The following PDLIM1 variants were observed in gnomAD, a reference collection of about 807,000 sequenced individuals.
PDLIM1 encodes the protein PDZ and LIM domain protein 1.
A neutral mutation model predicts 35.2 loss-of-function variants in PDLIM1; 25 were observed. The ratio of observed to expected loss-of-function variants is 0.71; its 90% confidence interval spans 0.52 to 0.99. The LOEUF is 0.99. Among genes scored for constraint, PDLIM1 ranks in the 50% least tolerant of loss-of-function variants. The pLI is 0.00. For missense variants in PDLIM1, 363 were observed against 415.3 expected (o/e 0.87, Z 1.09); for synonymous variants, 152 against 154.0 (o/e 0.99, Z 0.10).
At chr10:95,285,892 A>G (rs2035598320) in intron 1 of PDLIM1, among the ~76,000 whole-genome samples, 1 of 152,258 alleles carries the variant, frequency 6.6e-6, no homozygotes, top group Non-Finnish European at 1.5e-5. Flanking sequence ...AACTATGGTT[A>G]TTACTGCAAG....
chr10:95,239,473 C>T (rs2035156525), intron 5 of PDLIM1, among the ~76,000 whole-genome samples: 1 of 152,138 alleles, frequency 6.6e-6, no homozygotes, highest in Non-Finnish European at 1.5e-5. Flanking sequence ...TAATATCCAG[C>T]ATCTGCAAGG....
At chr10:95,272,280 A>G (rs2035471627) in intron 1 of PDLIM1, among the ~76,000 whole-genome samples, 1 of 152,218 alleles carries the variant, frequency 6.6e-6, no homozygotes, top group African/African-American at 2.4e-5. Context: ...AAATCTTAAT[A>G]ATGTTATATA....
At chr10:95,280,379 A>G (rs952793622) in intron 1 of PDLIM1, among the ~76,000 whole-genome samples, 2 of 152,196 alleles carry the variant, frequency 1.3e-5, no homozygotes, top group African/African-American at 4.8e-5. Context: ...CATCTCCAAA[A>G]AATTAAAAAA....
rs776764839 is a variant in PDLIM1, at chr10:95,238,692, T to C, written c.686-7A>G. On this transcript the variant is annotated splice_polypyrimidine_tract_variant and splice_region_variant and intron_variant, in intron 5 of 6. Coordinates refer to ENST00000329399, the MANE Select transcript of PDLIM1 (RefSeq NM_020992.4). ...GAGGGCTTGTTGGGATCCCCTGAAA[T>C]GAGGAAAACACTGTCATTGGCCAGG... The C allele has an allele frequency of 2.6e-6, 4 of 1,563,928 alleles. No individual in the cohort carries two copies. The highest frequency in any genetic ancestry group is 2.6e-6 in the Non-Finnish European group (3 of 1,134,716).
At chr10:95,278,845 C>G (rs1025385810) in intron 1 of PDLIM1, among the ~76,000 whole-genome samples, 2 of 152,182 alleles carry the variant, frequency 1.3e-5, no homozygotes, top group African/African-American at 4.8e-5. Flanking sequence ...AAGAAGCAAA[C>G]CCATTCAAGG....
intron 1 of PDLIM1, among the ~76,000 whole-genome samples, chr10:95,287,015 T>G (rs2035608567): frequency 6.6e-6 from 1 of 152,202 alleles, no homozygotes. Context: ...TCTTGCCTCC[T>G]CAAACAAACC....
intron 3 of PDLIM1, among the ~76,000 whole-genome samples, chr10:95,265,926 CG>C (rs982453168): frequency 1.4e-4 from 22 of 151,866 alleles, no homozygotes; most frequent in Admixed American, 5.2e-4. Context: ...AGGCCAGGCA[CG>C]GTGGCTCATT....
intron 5 of PDLIM1, among the ~76,000 whole-genome samples, chr10:95,241,026 C>A (rs1208263486): frequency 6.6e-6 from 1 of 152,232 alleles, no homozygotes; most frequent in Non-Finnish European, 1.5e-5. Flanking sequence ...CCAGGCGCCA[C>A]TGATCCAAGA....
rs759753480 is a variant in PDLIM1 at position 95,290,815 on chromosome 10, C to T, written c.96+5G>A. 3 of 1,549,500 alleles carry T rather than the reference C, an allele frequency of 1.9e-6. No individual in the cohort carries two copies. The highest frequency in any genetic ancestry group is 1.2e-5 in the South Asian group (1 of 85,212). ...CGCTTCCACGCACGTCCCAGCTGCT[C>T]TTACCCGGGAAATGGCGAGAGGCTG... On this transcript the variant is annotated splice_donor_5th_base_variant and intron_variant, in intron 1 of 6. Coordinates refer to ENST00000329399, the MANE Select transcript of PDLIM1 (RefSeq NM_020992.4). This position sits in a 1 kb window ranked among gnomAD's most constrained non-coding sequence, Gnocchi z 4.7.
chr10:95,271,702 T>C lies in PDLIM1; in HGVS notation c.179A>G (p.Asn60Ser), dbSNP rs779723448. 4.9e-5 allele frequency: 79 copies of C among 1,612,388 alleles called. No individual in the cohort carries two copies. The highest frequency in any genetic ancestry group is 1.5e-4 in the African/African-American group (11 of 74,844). Residue 60 changes from asparagine to serine, a missense_variant, in exon 2 of 7, where the codon AAT becomes AGT. Coordinates refer to ENST00000329399, the MANE Select transcript of PDLIM1 (RefSeq NM_020992.4). The part of the protein sequence containing the change: ...ITAIDGENTS[N>S]MTHLEAQNRI... Reference sequence around the variant, plus strand: ...GTTCTGAGCTTCCAAGTGTGTCATATTGCTAGTATTTTCCCCATCAATGGC... The same window carrying C: ...GTTCTGAGCTTCCAAGTGTGTCATACTGCTAGTATTTTCCCCATCAATGGC...
intron 1 of PDLIM1, among the ~76,000 whole-genome samples, chr10:95,284,971 T>C (rs1193488720): frequency 6.6e-6 from 1 of 152,178 alleles, no homozygotes; most frequent in Non-Finnish European, 1.5e-5. Context: ...GAATTACCTT[T>C]TTTGTCTTAG....
intron 4 of PDLIM1, among the ~76,000 whole-genome samples, chr10:95,248,969 C>T (rs2035245467): frequency 6.6e-6 from 1 of 152,246 alleles, no homozygotes; most frequent in Admixed American, 6.5e-5. Context: ...CACTATCACT[C>T]TTAACTCCCT....
At chr10:95,254,068 GA>G (rs2035290414) in intron 4 of PDLIM1, among the ~76,000 whole-genome samples, 2 of 151,996 alleles carry the variant, frequency 1.3e-5, no homozygotes, top group South Asian at 4.1e-4. Context: ...GCAGGAAAAA[GA>G]AAACAGAAAT....
rs2035646653 is a variant in PDLIM1 at position 95,290,773 on chromosome 10, C to G, written c.96+47G>C. ...CCGCGGGGCCCCAGTCTCCGCATATCACCTCCCATAGCGCCCCGCTTCCAC... is the reference window on the plus strand; with the variant it reads ...CCGCGGGGCCCCAGTCTCCGCATATGACCTCCCATAGCGCCCCGCTTCCAC... On this transcript the variant is annotated intron_variant, in intron 1 of 6. Transcript: ENST00000329399. The surrounding 1 kb of genome is among the most constrained non-coding windows in gnomAD (Gnocchi z 4.7). The G allele has an allele frequency of 1.5e-6, 2 of 1,371,056 alleles. No individual in the cohort carries two copies. The highest frequency in any genetic ancestry group is 1.5e-5 in the African/African-American group (1 of 66,740). 84.9% of individuals were successfully genotyped at this position (1,371,056 alleles called of 1,614,324 possible). A position where few individuals can be genotyped will look rare whatever the true frequency, so the allele number is the denominator to read the frequency against.
intron 1 of PDLIM1, among the ~76,000 whole-genome samples, chr10:95,278,259 C>G (rs892059158): frequency 3.3e-5 from 5 of 152,192 alleles, no homozygotes; most frequent in African/African-American, 1.2e-4. Context: ...CAAGGATGCA[C>G]CAAGGATGAA....
chr10:95,249,166 A>G (rs909814461), intron 4 of PDLIM1, among the ~76,000 whole-genome samples: 4 of 152,208 alleles, frequency 2.6e-5, no homozygotes, highest in Non-Finnish European at 5.9e-5. Flanking sequence ...AAGTGAACGA[A>G]CACTGCAGAA....
intron 5 of PDLIM1, among the ~76,000 whole-genome samples, chr10:95,239,094 G>A (rs2035152305): frequency 6.6e-6 from 1 of 152,174 alleles, no homozygotes; most frequent in Non-Finnish European, 1.5e-5. Context: ...AACAAGCAAT[G>A]AAGAAAGGAT....
In PDLIM1 at chr10:95,290,712, G is replaced by C. The variant is rs2035646056; in HGVS notation, c.96+108C>G. Reference sequence around the variant, plus strand: ...CTCAACTAACAGCGCACCTGGACGCGCCCGGCTGCGGTTCCGACTCCGTCC... The same window carrying C: ...CTCAACTAACAGCGCACCTGGACGCCCCCGGCTGCGGTTCCGACTCCGTCC... On this transcript the variant is annotated intron_variant, in intron 1 of 6. Coordinates refer to ENST00000329399, the MANE Select transcript of PDLIM1 (RefSeq NM_020992.4). This position sits in a 1 kb window ranked among gnomAD's most constrained non-coding sequence, Gnocchi z 4.7. 6 of 603,144 alleles carry C rather than the reference G, an allele frequency of 9.9e-6. No homozygotes were observed. The highest frequency in any genetic ancestry group is 1.6e-5 in the Non-Finnish European group (6 of 378,942). 37.4% of individuals were successfully genotyped at this position (603,144 alleles called of 1,614,324 possible).
intron 4 of PDLIM1, among the ~76,000 whole-genome samples, chr10:95,261,298 T>C (rs45494597): frequency 3.0e-4 from 45 of 152,338 alleles, no homozygotes; most frequent in Non-Finnish European, 6.2e-4. Flanking sequence ...GATGTGTCAT[T>C]TCCTGGGTTA....
Sources: allele counts gnomAD v4.1 joint callset (sites outside exome capture counted in the v4.1 genomes callset), GRCh38; gene constraint gnomAD v4.1.1; non-coding constraint Gnocchi (gnomAD v3.1); transcripts MANE v1.5; gene names NCBI Gene and HGNC (gene_info 2026-07-23, HGNC 2026-07-21).